MYO3B: variants seen among roughly 807,000 people sequenced by gnomAD.
MYO3B encodes myosin-IIIb.
A neutral mutation model predicts 174.6 loss-of-function variants in MYO3B; 156 were observed. That is an observed-to-expected ratio of 0.89 (90% CI 0.78 to 1.02). The LOEUF is 1.02. MYO3B is among the 50% of genes least tolerant of loss of function. The pLI, the probability that MYO3B is intolerant of heterozygous loss-of-function variation, is 0.00. For synonymous variants in MYO3B, 563 were observed against 569.1 expected (o/e 0.99, Z 0.15); for missense variants, 1,632 against 1,639.4 (o/e 1.00, Z 0.08).
chr2:170,634,136 A>C (rs1402683717), intron 32 of MYO3B, among the ~76,000 whole-genome samples: 2 of 152,092 alleles, frequency 1.3e-5, no homozygotes, highest in Non-Finnish European at 2.9e-5. Flanking sequence ...TCATATGGAA[A>C]CAAAAAAGAG....
At chr2:170,458,601 A>C (rs150502015) in intron 23 of MYO3B, among the ~76,000 whole-genome samples, 289 of 152,346 alleles carry the variant, frequency 1.9e-3, no homozygotes, top group African/African-American at 6.3e-3. Flanking sequence ...TGATGCTACT[A>C]CTACTATAAT....
intron 8 of MYO3B, chr2:170,348,284 C>T (rs1400810733): frequency 6.6e-6 from 1 of 152,310 alleles, no homozygotes; most frequent in Non-Finnish European, 1.5e-5. Flanking sequence ...GCCACCCAGG[C>T]TGGAGTACAG....
At chr2:170,307,110 G>A (rs765799405) in intron 7 of MYO3B, among the ~76,000 whole-genome samples, 10 of 151,766 alleles carry the variant, frequency 6.6e-5, no homozygotes, top group Admixed American at 1.3e-4. Context: ...GAGTGTGATC[G>A]TGCACACCAG....
chr2:170,557,142 A>ATTTATT (rs1553521195), intron 32 of MYO3B, among the ~76,000 whole-genome samples: 1 of 137,558 alleles, frequency 7.3e-6, no homozygotes, highest in African/African-American at 2.9e-5. Context: ...TTTTATTTTT[A>ATTTATT]TTTTTATTTT....
At chr2:170,289,283 G>C (rs1490400862) in intron 7 of MYO3B, among the ~76,000 whole-genome samples, 1 of 152,068 alleles carries the variant, frequency 6.6e-6, no homozygotes, top group Admixed American at 6.6e-5. Flanking sequence ...ATTTGAGTAA[G>C]ATTGTTACTG....
chr2:170,196,528 T>C (rs1304483311), intron 1 of MYO3B, among the ~76,000 whole-genome samples: 1 of 152,174 alleles, frequency 6.6e-6, no homozygotes, highest in Non-Finnish European at 1.5e-5. Context: ...AAAAGCCTAG[T>C]GTTGAGTAAT....
intron 32 of MYO3B, among the ~76,000 whole-genome samples, chr2:170,579,786 A>G (rs1257663872): frequency 6.6e-6 from 1 of 152,208 alleles, no homozygotes; most frequent in African/African-American, 2.4e-5. Flanking sequence ...CCCAGCTCCC[A>G]AGGAAAACCT....
intron 28 of MYO3B, among the ~76,000 whole-genome samples, chr2:170,506,251 C>G (rs1318156604): frequency 6.6e-6 from 1 of 152,222 alleles, no homozygotes; most frequent in Admixed American, 6.5e-5. Flanking sequence ...ACAGCCTGAC[C>G]CTACTTTGTA....
chr2:170,250,866 A>C (rs2093245027), intron 7 of MYO3B, among the ~76,000 whole-genome samples: 1 of 151,828 alleles, frequency 6.6e-6, no homozygotes, highest in Admixed American at 6.6e-5. Flanking sequence ...TCCCGAGCCA[A>C]ATTTCTGATG....
chr2:170,322,503 C>T (rs1428566465), intron 7 of MYO3B, among the ~76,000 whole-genome samples: 2 of 152,178 alleles, frequency 1.3e-5, no homozygotes, highest in Non-Finnish European at 2.9e-5. Context: ...GAGACATGAC[C>T]CAAGCCATCC....
intron 29 of MYO3B, 71 bp from the exon 30 acceptor site, chr2:170,519,367 G>A: frequency 8.3e-7 from 1 of 1,201,150 alleles, no homozygotes; most frequent in Non-Finnish European, 1.2e-6. Context: ...TGCAGAGAGT[G>A]TAGATGGGCA....
intron 7 of MYO3B, among the ~76,000 whole-genome samples, chr2:170,333,412 A>C (rs2093925517): frequency 6.6e-6 from 1 of 152,178 alleles, no homozygotes; most frequent in Admixed American, 6.5e-5. Context: ...GGGGAAAAAA[A>C]TTTAACTGCT....
At chr2:170,496,771 C>T (rs892208120) in intron 25 of MYO3B, among the ~76,000 whole-genome samples, 2 of 151,840 alleles carry the variant, frequency 1.3e-5, no homozygotes, top group Non-Finnish European at 2.9e-5. Flanking sequence ...GGACTACAGG[C>T]ACATGTCACC....
intron 7 of MYO3B, among the ~76,000 whole-genome samples, chr2:170,304,454 T>C (rs942281283): frequency 5.3e-5 from 8 of 151,446 alleles, no homozygotes; most frequent in Non-Finnish European, 1.5e-5. Context: ...TATTTTTTTT[T>C]CTTTTTTCTT....
At position 170,501,848 on chromosome 2, in the gene MYO3B, C is replaced by T; in HGVS notation, c.3353C>T (p.Ala1118Val). Residue 1118 changes from alanine to valine, a missense_variant, in exon 28 of 35, where the codon GCT becomes GTT. By Grantham distance (64) the Ala-to-Val change is moderately conservative. Coordinates refer to ENST00000408978, the MANE Select transcript of MYO3B (RefSeq NM_138995.5). Reference sequence around the variant, plus strand: ...ATAAGCAACAGAAGGAATGAGTCTGCTGCTCATAATCAAGCAGGTAATTAA... The same window carrying T: ...ATAAGCAACAGAAGGAATGAGTCTGTTGCTCATAATCAAGCAGGTAATTAA... ...KKISNRRNESAAHNQAGDTSN... is the reference protein window; with the variant it reads ...KKISNRRNESVAHNQAGDTSN... 1.2e-6 allele frequency: 2 copies of T among 1,609,496 alleles called. No individual in the cohort carries two copies. Among genetic ancestry groups the T allele is most frequent in the Non-Finnish European group, 1.7e-6 (2 of 1,175,982 alleles).
chr2:170,258,450 A>G (rs1471378556), intron 7 of MYO3B, among the ~76,000 whole-genome samples: 1 of 152,180 alleles, frequency 6.6e-6, no homozygotes, highest in East Asian at 1.9e-4. Context: ...AACAGAATTA[A>G]AAGAAAAAAT....
intron 16 of MYO3B, among the ~76,000 whole-genome samples, chr2:170,396,996 C>T (rs984861978): frequency 1.3e-5 from 2 of 152,176 alleles, no homozygotes; most frequent in African/African-American, 4.8e-5. Flanking sequence ...GTGGGAGTTG[C>T]TCAGTGTAGT....
At chr2:170,553,318 A>G (rs566229229) in intron 32 of MYO3B, among the ~76,000 whole-genome samples, 1 of 152,278 alleles carries the variant, frequency 6.6e-6, no homozygotes, top group South Asian at 2.1e-4. Context: ...TTGCAGAACC[A>G]AAACGCTGAG....
rs560225821 is a variant in MYO3B at position 170,336,831 on chromosome 2, T to G, written c.815+1381T>G. 2.3e-3 allele frequency among the ~76,000 whole-genome samples: 351 copies of G among 152,246 alleles called. 1 individual carries two copies. Among genetic ancestry groups the G allele is most frequent in the African/African-American group, 8.2e-3 (339 of 41,532 alleles). On this transcript the variant is annotated intron_variant, in intron 8 of 34. Coordinates refer to ENST00000408978, the MANE Select transcript of MYO3B (RefSeq NM_138995.5). Reference sequence around the variant, plus strand: ...ACCTATATTTCAGTTTCATTTTCATTTCAAATGTAGTATAGTTCAGGGTCC... The same window carrying G: ...ACCTATATTTCAGTTTCATTTTCATGTCAAATGTAGTATAGTTCAGGGTCC...
Sources: allele counts gnomAD v4.1 joint callset (sites outside exome capture counted in the v4.1 genomes callset), GRCh38; gene constraint gnomAD v4.1.1; transcripts MANE v1.5; gene names NCBI Gene and HGNC (gene_info 2026-07-23, HGNC 2026-07-21).